SSC5D: variants seen among roughly 807,000 people sequenced by gnomAD.
SSC5D encodes the protein scavenger receptor cysteine rich family member with 5 domains.
A neutral mutation model predicts 104.6 loss-of-function variants in SSC5D; 106 were observed. The ratio of observed to expected loss-of-function variants is 1.01; its 90% CI spans 0.87 to 1.19. The LOEUF is 1.19. Among genes scored for constraint, SSC5D ranks in the 50% most tolerant of loss-of-function variants. SSC5D has a pLI of 0.00. For missense variants in SSC5D, 1,993 were observed against 2,153.8 expected, an observed-to-expected ratio of 0.93 and a Z score of 1.48; for synonymous variants, 860 against 883.5, an observed-to-expected ratio of 0.97 and a Z score of 0.47.
chr19:55,497,069 C>G (rs1025171134), intron 8 of SSC5D, among the ~76,000 whole-genome samples: 15 of 152,230 alleles, frequency 9.9e-5, no homozygotes, highest in Non-Finnish European at 2.2e-4. Flanking sequence ...CCTGCTGCTC[C>G]CTGTCTTTTA....
rs1987492342 is a variant in SSC5D, at chr19:55,501,158, C to T, written c.2742C>T (p.Arg914=). The T allele has an allele frequency of 1.3e-6, 2 of 1,547,664 alleles. No individual in the cohort carries two copies. The highest frequency in any genetic ancestry group is 1.7e-6 in the Non-Finnish European group (2 of 1,145,214). Residue 914 remains arginine, a synonymous_variant, in exon 12 of 14, where the codon CGC becomes CGT. Coordinates refer to ENST00000389623, the MANE Select transcript of SSC5D (RefSeq NM_001144950.2). ...GHTLPWRTTR[R]PGSSSPAIRR... ...CTCTCCCCTGGAGGACCACCCGGCG[C>T]CCGGGTAGCTCCTCCCCAGCAATAA...
chr19:55,489,039 G>T lies in SSC5D; in HGVS notation c.52+7G>T. Reference sequence around the variant, plus strand: ...GTGGGGATCCAGGCTGTTGGTAAGTGCCCAGACTCCTCCCATCTGCCCGCC... The same window carrying T: ...GTGGGGATCCAGGCTGTTGGTAAGTTCCCAGACTCCTCCCATCTGCCCGCC... On this transcript the variant is annotated splice_region_variant and intron_variant, in intron 2 of 13. Coordinates refer to ENST00000389623, the MANE Select transcript of SSC5D (RefSeq NM_001144950.2). 1 of 1,461,760 alleles carries T rather than the reference G, an allele frequency of 6.8e-7. No homozygotes were observed. Among genetic ancestry groups the T allele is most frequent in the Admixed American group, 2.6e-5 (1 of 38,102 alleles). The allele number at this position is 1,461,760 out of a possible 1,614,324, so 90.5% of individuals were successfully genotyped here. A position where few individuals can be genotyped will look rare whatever the true frequency, so the allele number is the denominator to read the frequency against.
intron 6 of SSC5D, chr19:55,491,796 C>G (rs1055152556): frequency 1.3e-5 from 2 of 152,596 alleles, no homozygotes; most frequent in African/African-American, 4.8e-5. Flanking sequence ...CTCCCTCTTT[C>G]CCTTTCTCTT....
At chr19:55,489,310 C>G (rs1426123160) in intron 2 of SSC5D, 44 bp from the exon 3 acceptor site, 99 of 1,420,258 alleles carry the variant, frequency 7.0e-5, no homozygotes, top group Non-Finnish European at 8.8e-5. Flanking sequence ...CTTGGGGCCC[C>G]CAGGATGCCC....
chr19:55,494,976 C>G (rs971832418), intron 8 of SSC5D, among the ~76,000 whole-genome samples, 193 bp downstream of exon 8: 1 of 151,884 alleles, frequency 6.6e-6, no homozygotes, highest in South Asian at 2.1e-4. Context: ...AATTCTTGAA[C>G]AAGGGGTCCT....
At chr19:55,512,189 G>A (rs1266117019) in intron 12 of SSC5D, among the ~76,000 whole-genome samples, 3 of 94,882 alleles carry the variant, frequency 3.2e-5, no homozygotes, top group Non-Finnish European at 6.3e-5. Flanking sequence ...GGCAGAGTGA[G>A]ACTTGGTCTC....
rs561033150 is a variant in SSC5D, at chr19:55,506,299, G to A, written c.2785+5098G>A. Among the ~76,000 whole-genome samples, 43 of 146,444 alleles carry A rather than the reference G, an allele frequency of 2.9e-4. 1 individual carries two copies. Among genetic ancestry groups the A allele is most frequent in the African/African-American group, 1.1e-3 (42 of 39,550 alleles). ...TTAATTTTTATGTTATTTGTTAAAT[G>A]AATGAACAAATGAGAGATGACATTG... On this transcript the variant is annotated intron_variant, in intron 12 of 13. Transcript: ENST00000389623.
chr19:55,501,350 C>T (rs749591785), intron 12 of SSC5D, 149 bp downstream of exon 12: 31 of 857,444 alleles, frequency 3.6e-5, no homozygotes, highest in Middle Eastern at 3.6e-4. Context: ...AGACCCTAAA[C>T]GCATTACCTC....
rs1454900813 is a variant in SSC5D at position 55,517,682 on chromosome 19, G to C, written c.3406G>C (p.Val1136Leu). ...GGACACAACTCCATACTCCAGTACA[G>C]TCTCAGAATATTCTAGATCCCCAGA... ...DLDTTPYSST[V>L]SEYSRSPDPS... The change falls in exon 14 of 14, where the codon GTC becomes CTC. Residue 1136 changes from valine to leucine, a missense_variant. By Grantham distance (32) the Val-to-Leu change is conservative (BLOSUM62 1). Around this residue, in one of 6 missense-constraint regions of SSC5D, gnomAD observed 423 missense variants for 409.2 expected, o/e 1.03. Coordinates refer to ENST00000389623, the MANE Select transcript of SSC5D (RefSeq NM_001144950.2). The C allele has an allele frequency of 6.4e-7, 1 of 1,551,358 alleles. No individual in the cohort carries two copies. The highest frequency in any genetic ancestry group is 2.0e-5 in the Admixed American group (1 of 50,904).
At chr19:55,514,636 G>A (rs1164187533) in intron 13 of SSC5D, among the ~76,000 whole-genome samples, 1 of 150,920 alleles carries the variant, frequency 6.6e-6, no homozygotes, top group Non-Finnish European at 1.5e-5. Flanking sequence ...AAGAAGGGAG[G>A]AAGGGAGAAA....
chr19:55,510,288 C>T (rs1467460419), intron 12 of SSC5D, among the ~76,000 whole-genome samples: 6 of 152,186 alleles, frequency 3.9e-5, no homozygotes, highest in Admixed American at 2.0e-4. Flanking sequence ...CGTGAGCCGC[C>T]GTGCCCAGCT....
rs1568484582 is a variant in SSC5D at position 55,513,781 on chromosome 19, A to G, written c.2947+609A>G. On this transcript the variant is annotated intron_variant, in intron 13 of 13. Coordinates refer to ENST00000389623, the MANE Select transcript of SSC5D (RefSeq NM_001144950.2). ...GCACACGACATTCCCCATAACAAAG[A>G]ACCACCCAGCCCTAAATTACAATAG... Among the ~76,000 whole-genome samples, 4 of 152,272 alleles carry G rather than the reference A, an allele frequency of 2.6e-5. No individual in the cohort carries two copies. In the South Asian group the frequency reaches 8.3e-4, roughly 32 times the overall value.
At chr19:55,517,116 A>G (rs1987887653) in intron 13 of SSC5D, 108 bp from the exon 14 acceptor site, 3 of 1,038,540 alleles carry the variant, frequency 2.9e-6, no homozygotes, top group Non-Finnish European at 4.1e-6. Flanking sequence ...TGACGTCTCG[A>G]GGCTCTGTGC....
intron 7 of SSC5D, among the ~76,000 whole-genome samples, chr19:55,494,325 C>T (rs1479744941): frequency 1.3e-5 from 2 of 152,176 alleles, no homozygotes; most frequent in East Asian, 1.9e-4. Flanking sequence ...TCCTGGCCCC[C>T]GGCGGAAGCC....
chr19:55,497,854 A>G, intron 8 of SSC5D, 26 bp from the exon 9 acceptor site: 1 of 1,498,566 alleles, frequency 6.7e-7, no homozygotes, highest in Non-Finnish European at 9.0e-7. Flanking sequence ...CCCCGACTCT[A>G]ATTCTTTGGG....
intron 13 of SSC5D, among the ~76,000 whole-genome samples, chr19:55,515,835 T>A (rs1987860989): frequency 6.6e-6 from 1 of 152,216 alleles, no homozygotes; most frequent in Non-Finnish European, 1.5e-5. Context: ...CAGTGGCTAC[T>A]GTATTGGCAC....
chr19:55,518,325 C>T lies in SSC5D; in HGVS notation c.4049C>T (p.Ser1350Phe), dbSNP rs1194068934. Residue 1350 changes from serine to phenylalanine, a missense_variant, in exon 14 of 14, where the codon TCC (serine) becomes TTC (phenylalanine). Physicochemically the swap from Ser to Phe is radical, Grantham distance 155 (BLOSUM62 -2). This residue lies in a region of SSC5D where 349 missense variants were observed against 397.6 expected (regional missense o/e 0.88). Coordinates refer to ENST00000389623, the MANE Select transcript of SSC5D (RefSeq NM_001144950.2). ...CCAACCTCCTTGGGGACAGAACTCT[C>T]CTCTCCCACTCTAGCACCAACAGTC... ...SLPTSLGTELSSPTLAPTVKP... is the reference protein window; with the variant it reads ...SLPTSLGTELFSPTLAPTVKP... 1.9e-6 allele frequency: 3 copies of T among 1,551,304 alleles called. No homozygotes were observed. The highest frequency in any genetic ancestry group is 4.9e-5 in the East Asian group (2 of 40,866).
intron 13 of SSC5D, 66 bp from the exon 14 acceptor site, chr19:55,517,158 G>T: frequency 7.1e-7 from 1 of 1,407,212 alleles, no homozygotes; most frequent in Non-Finnish European, 9.5e-7. Flanking sequence ...GAGGGGCGGG[G>T]CGGGACGCGT....
At chr19:55,509,866 AAAAAAAG>A (rs1360293812) in intron 12 of SSC5D, among the ~76,000 whole-genome samples, 1 of 33,410 alleles carries the variant, frequency 3.0e-5, no homozygotes, top group African/African-American at 1.3e-4. Flanking sequence ...AAAAAAAAAA[AAAAAAAG>A]AGAAAAAGAA....
Sources: gnomAD v4.1 joint callset for allele counts (sites outside exome capture counted in the v4.1 genomes callset) on GRCh38, gnomAD v4.1.1 for gene constraint, gnomAD v4.1.1 regional missense constraint, MANE v1.5 for transcripts, NCBI Gene and HGNC (gene_info 2026-07-23, HGNC 2026-07-21) for gene names.